ACACB: variants seen among roughly 807,000 people sequenced by gnomAD.
The protein encoded by ACACB is acetyl-CoA carboxylase beta.
Under a neutral mutation model 278.8 loss-of-function variants are expected in ACACB, and 209 were observed. The observed-to-expected ratio is 0.75, with a 90% confidence interval of 0.67 to 0.84. ACACB has a LOEUF of 0.84. Among genes scored for constraint, ACACB ranks in the 40% least tolerant of loss-of-function variants. The pLI is 0.00. For synonymous variants in ACACB, 1,174 were observed against 1,285.6 expected (o/e 0.91, Z 1.86); for missense variants, 2,850 against 3,269.0 (o/e 0.87, Z 3.13).
intron 49 of ACACB, among the ~76,000 whole-genome samples, chr12:109,262,749 C>G (rs2136850738): frequency 6.6e-6 from 1 of 151,358 alleles, no homozygotes; most frequent in East Asian, 2.0e-4. Flanking sequence ...GCCTGAGTAG[C>G]TGGGACTACA....
At chr12:109,246,585 A>C in intron 39 of ACACB, 137 bp downstream of exon 39, 2 of 1,056,446 alleles carry the variant, frequency 1.9e-6, no homozygotes, top group Non-Finnish European at 1.4e-6. Flanking sequence ...GTGTATAAAC[A>C]GGCATACAGT....
At chr12:109,246,533 G>GA (rs572004196) in intron 39 of ACACB, 85 bp downstream of exon 39, 293 of 1,507,570 alleles carry the variant, frequency 1.9e-4, no homozygotes, top group South Asian at 1.5e-3. Flanking sequence ...TGCAAGAGGT[G>GA]AAAAAAATCT....
rs1183598692 is a variant in ACACB, at chr12:109,197,108, A to G, written c.2582A>G (p.Tyr861Cys). 6 of 1,603,844 alleles carry G rather than the reference A, an allele frequency of 3.7e-6. No individual in the cohort carries two copies. Among genetic ancestry groups the G allele is most frequent in the Non-Finnish European group, 4.3e-6 (5 of 1,176,066 alleles). Residue 861 changes from tyrosine to cysteine, a missense_variant, in exon 17 of 53, where the codon TAC (tyrosine) becomes TGC (cysteine). By Grantham distance (194) the Tyr-to-Cys change is radical. This residue lies in a region of ACACB where 2,265 missense variants were observed against 2,561.3 expected (regional missense o/e 0.88). Coordinates refer to ENST00000338432, the MANE Select transcript of ACACB (RefSeq NM_001093.4). ...RLNDGGLLLS[Y>C]NGNSYTTYMK... is the part of the protein sequence containing the mutation. ...AATGATGGGGGGCTCCTGCTCTCCT[A>G]CAATGGGAACAGCTACACCACCTAC... is the stretch of plus-strand genomic sequence containing the variant.
chr12:109,156,206 G>C (rs969559887), intron 2 of ACACB, among the ~76,000 whole-genome samples: 1 of 152,126 alleles, frequency 6.6e-6, no homozygotes, highest in African/African-American at 2.4e-5. Flanking sequence ...CTGCACTCTA[G>C]CCTGGGCAAC....
At chr12:109,155,427 T>G (rs1350469216) in intron 2 of ACACB, among the ~76,000 whole-genome samples, 1 of 152,188 alleles carries the variant, frequency 6.6e-6, no homozygotes, top group Non-Finnish European at 1.5e-5. Flanking sequence ...GTTTCTTTCC[T>G]TTTTTGTCCT....
At chr12:109,221,045 G>A (rs1201767673) in intron 24 of ACACB, among the ~76,000 whole-genome samples, 2 of 152,178 alleles carry the variant, frequency 1.3e-5, no homozygotes, top group Non-Finnish European at 2.9e-5. Context: ...TGGCCTGGGA[G>A]CCACATGCCT....
intron 32 of ACACB, 42 bp downstream of exon 32, chr12:109,235,411 A>G: frequency 6.3e-7 from 1 of 1,583,430 alleles, no homozygotes; most frequent in Non-Finnish European, 8.7e-7. Flanking sequence ...CCCATTCTCC[A>G]AGCCTTGGTG....
intron 16 of ACACB, among the ~76,000 whole-genome samples, chr12:109,194,899 G>A (rs2045059773): frequency 6.6e-6 from 1 of 152,040 alleles, no homozygotes; most frequent in African/African-American, 2.4e-5. Context: ...CTGTTTCCAG[G>A]GGCTCTGAGG....
At chr12:109,142,906 T>G (rs1278120700) in intron 2 of ACACB, among the ~76,000 whole-genome samples, 1 of 152,084 alleles carries the variant, frequency 6.6e-6, no homozygotes, top group Non-Finnish European at 1.5e-5. Context: ...AACCAAAATG[T>G]TGAGTGAATT....
Position 109,259,080 on chromosome 12 carries a change from C to G in ACACB, c.6468C>G (p.Asn2156Lys), listed in dbSNP as rs755448815. The change falls in exon 47 of 53, where the codon AAC (asparagine) becomes AAG (lysine). Residue 2156 changes from asparagine (N) to lysine (K), a missense_variant. Physicochemically the swap from Asn to Lys is moderately conservative, Grantham distance 94. Transcript: ENST00000338432. ...AGTTGCCCCTGATGATCTTTGCCAA[C>G]TGGAGGGGGTTCTCCGGTGGCATGA... is the stretch of plus-strand genomic sequence containing the variant. ...REKLPLMIFA[N>K]WRGFSGGMKD... 1.9e-6 allele frequency: 3 copies of G among 1,614,148 alleles called. No homozygotes were observed. In the South Asian group the frequency reaches 3.3e-5, roughly 18 times the overall value.
chr12:109,177,883 A>G (rs540778147), intron 9 of ACACB, among the ~76,000 whole-genome samples: 1 of 152,310 alleles, frequency 6.6e-6, no homozygotes, highest in South Asian at 2.1e-4. Context: ...TTAGGGTCAC[A>G]GCAAAATGGA....
chr12:109,254,304 C>G lies in ACACB; in HGVS notation c.6136C>G (p.Arg2046Gly). The change falls in exon 44 of 53, where the codon CGG becomes GGG. Residue 2046 changes from arginine to glycine, a missense_variant. Coordinates refer to ENST00000338432, the MANE Select transcript of ACACB (RefSeq NM_001093.4). ...FLPSRAPYDPRWMLAGRPHPT... is the reference protein window; with the variant it reads ...FLPSRAPYDPGWMLAGRPHPT... ...CCCATCCAGAGCTCCCTACGACCCC[C>G]GGTGGATGCTTGCAGGAAGGCCTCA... The G allele has an allele frequency of 6.2e-7, 1 of 1,612,322 alleles. No individual in the cohort carries two copies. The highest frequency in any genetic ancestry group is 8.5e-7 in the Non-Finnish European group (1 of 1,179,698).
chr12:109,112,523 A>T (rs1480148375), upstream of ACACB, among the ~76,000 whole-genome samples: 1 of 151,786 alleles, frequency 6.6e-6, no homozygotes, highest in Non-Finnish European at 1.5e-5. Context: ...ACCAGCATGG[A>T]GAAACCCTGT....
intron 20 of ACACB, among the ~76,000 whole-genome samples, chr12:109,207,226 G>A (rs112622756): frequency 0.018 from 2,691 of 152,334 alleles, 93 homozygotes; most frequent in African/African-American, 0.062. Context: ...AAAGTGCTGG[G>A]ATTACAGGCC....
chr12:109,247,531 C>G (rs540277784), intron 39 of ACACB, 75 bp from the exon 40 acceptor site: 1 of 1,044,502 alleles, frequency 9.6e-7, no homozygotes, highest in African/African-American at 1.6e-5. Context: ...CTACGATGTT[C>G]ACATTAAGAA....
rs533885922 is a variant in ACACB, at chr12:109,167,652, T to C, written c.787-244T>C. ...ATATATATATATATATATATATATATATTTCAGACAAACAGCCATCCATCC... is the reference window on the plus strand; with the variant it reads ...ATATATATATATATATATATATATACATTTCAGACAAACAGCCATCCATCC... On this transcript the variant is annotated intron_variant, in intron 3 of 52. Transcript: ENST00000338432. Among the ~76,000 whole-genome samples, 4 of 140,816 alleles carry C rather than the reference T, an allele frequency of 2.8e-5. No homozygotes were observed. The South Asian group carries it at 9.1e-4, about 32-fold the overall frequency. The allele number at this position is 140,816 out of a possible 152,430, so 92.4% of individuals were successfully genotyped here.
chr12:109,144,750 C>CT (rs770963307), intron 2 of ACACB, among the ~76,000 whole-genome samples: 39,577 of 84,066 alleles, frequency 0.47, 11,160 homozygotes, highest in Non-Finnish European at 0.6. Flanking sequence ...TTCTTTCTTT[C>CT]TTTCTTTTTT....
At position 109,246,411 on chromosome 12, in the gene ACACB, T is replaced by A. The variant is rs186791789; in HGVS notation, c.5534T>A (p.Phe1845Tyr). 7.4e-6 allele frequency: 12 copies of A among 1,613,490 alleles called. No homozygotes were observed. In the African/African-American group the frequency reaches 1.6e-4, roughly 22 times the overall value. Residue 1845 changes from phenylalanine to tyrosine, a missense_variant, in exon 39 of 53, where the codon TTC becomes TAC. By Grantham distance (22) the Phe-to-Tyr change is conservative. Coordinates refer to ENST00000338432, the MANE Select transcript of ACACB (RefSeq NM_001093.4). ...ATGGCAGAGGAGATCAAACACATGT[T>A]CCACGTGGCTTGGGTGGACCCAGAA... is the stretch of plus-strand genomic sequence containing the variant. Reference protein sequence around the residue: ...IGMAEEIKHMFHVAWVDPEDP... With the variant: ...IGMAEEIKHMYHVAWVDPEDP...
chr12:109,211,693 G>A (rs542146828), intron 21 of ACACB, among the ~76,000 whole-genome samples: 13 of 152,288 alleles, frequency 8.5e-5, no homozygotes, highest in Admixed American at 4.6e-4. Flanking sequence ...TTAGAGTGAC[G>A]AAAATGCTTT....
Sources: allele counts gnomAD v4.1 joint callset (sites outside exome capture counted in the v4.1 genomes callset), GRCh38; gene constraint gnomAD v4.1.1; regional missense constraint gnomAD v4.1.1; transcripts MANE v1.5; gene names NCBI Gene and HGNC (gene_info 2026-07-23, HGNC 2026-07-21).